LCTL: variants seen among roughly 807,000 people sequenced by gnomAD.
The protein encoded by LCTL is lactase-like protein.
In LCTL, 76 loss-of-function variants were observed where a neutral mutation model predicts 75.8. The observed-to-expected ratio is 1.00, with a 90% CI of 0.83 to 1.21. The LOEUF is 1.21. Ranked by LOEUF, LCTL falls within the 50% of genes most tolerant of loss-of-function variation. LCTL has a pLI of 0.00. For synonymous variants in LCTL, 271 were observed against 268.8 expected, an observed-to-expected ratio of 1.01 and a Z score of -0.08; for missense variants, 670 against 712.4, an observed-to-expected ratio of 0.94 and a Z score of 0.68.
At chr15:66,551,134 G>A (rs1168402385) in intron 11 of LCTL, among the ~76,000 whole-genome samples, 1 of 151,666 alleles carries the variant, frequency 6.6e-6, no homozygotes, top group Non-Finnish European at 1.5e-5. Context: ...AGATCACGAG[G>A]TCAAGAGTTA....
At chr15:66,565,096 A>T (rs76004841) in intron 1 of LCTL, 152 bp downstream of exon 2, 2 of 689,352 alleles carry the variant, frequency 2.9e-6, no homozygotes, top group East Asian at 5.3e-5. Flanking sequence ...CAAAAAAAAA[A>T]TATCTGTTAG....
At chr15:66,547,953 G>T (rs1421197496) in exon 13 of LCTL, 1 of 151,118 alleles carries the variant, frequency 6.6e-6, no homozygotes, top group African/African-American at 2.4e-5. Context: ...TGCCCAGCTA[G>T]TTTCTATATT....
rs532577086 is a variant in LCTL, at chr15:66,548,424, C to G, written c.*66G>C. ...GAAAACAGCAATGTATGGAAACCCT[C>G]AAAGCAGAAAAGGGAGGAAGATCCT... On this transcript the variant is annotated 3_prime_UTR_variant, in exon 13 of 13. Transcript: ENST00000341509. The G allele has an allele frequency of 5.0e-6, 4 of 807,134 alleles. No homozygotes were observed. In the South Asian group the frequency reaches 7.7e-5, roughly 16 times the overall value. 50.0% of individuals were successfully genotyped at this position (807,134 alleles called of 1,614,324 possible).
chr15:66,554,296 A>G (rs912034028), intron 8 of LCTL, among the ~76,000 whole-genome samples: 1 of 150,688 alleles, frequency 6.6e-6, no homozygotes, highest in Non-Finnish European at 1.5e-5. Flanking sequence ...CTCAAAAAAA[A>G]AAAAAAAAAA....
At chr15:66,561,356 A>G in intron 4 of LCTL, 41 bp from the exon 6 acceptor site, 1 of 1,612,122 alleles carries the variant, frequency 6.2e-7, no homozygotes, top group Non-Finnish European at 8.5e-7. Flanking sequence ...AATGAACCGC[A>G]AAGCGGTTTA....
At chr15:66,555,923 T>G (rs1156824176) in intron 8 of LCTL, among the ~76,000 whole-genome samples, 1 of 152,158 alleles carries the variant, frequency 6.6e-6, no homozygotes, top group Non-Finnish European at 1.5e-5. Flanking sequence ...CTCTTACTAA[T>G]CATTAGGGAA....
exon 1 of LCTL, chr15:66,565,361 T>C: frequency 6.2e-7 from 1 of 1,602,324 alleles, no homozygotes; most frequent in Non-Finnish European, 8.5e-7. Context: ...CCACACTGGC[T>C]TCATGGTGCC....
chr15:66,551,342 T>C (rs1895590100), intron 11 of LCTL, among the ~76,000 whole-genome samples: 1 of 94,100 alleles, frequency 1.1e-5, no homozygotes, highest in Non-Finnish European at 2.0e-5. Context: ...TGAGATTCTG[T>C]CTCAAAAAAA....
chr15:66,563,714 C>G (rs1481069866), intron 3 of LCTL, 89 bp from the exon 5 acceptor site: 3 of 1,042,880 alleles, frequency 2.9e-6, no homozygotes, highest in Non-Finnish European at 4.3e-6. Flanking sequence ...GGCCCTGTTG[C>G]TTTTTGAAGG....
At chr15:66,564,072 G>A in intron 2 of LCTL, 74 bp from the exon 4 acceptor site, 1 of 949,480 alleles carries the variant, frequency 1.1e-6, no homozygotes, top group East Asian at 2.4e-5. Context: ...CGGGCTCTAG[G>A]GCCGAGGCTC....
intron 12 of LCTL, chr15:66,549,080 A>G (rs1284065035): frequency 2.0e-5 from 3 of 152,796 alleles, no homozygotes; most frequent in Non-Finnish European, 2.9e-5. Context: ...TAATCTTTTT[A>G]AGAGTTAATG....
At chr15:66,560,961 G>T in intron 6 of LCTL, 45 bp downstream of exon 7, 1 of 1,580,922 alleles carries the variant, frequency 6.3e-7, no homozygotes, top group Admixed American at 1.7e-5. Context: ...GGGGCAGGCT[G>T]AGCTGACCCT....
intron 6 of LCTL, among the ~76,000 whole-genome samples, chr15:66,558,314 T>A (rs138382806): frequency 1.8e-4 from 27 of 152,320 alleles, no homozygotes; most frequent in African/African-American, 6.5e-4. Flanking sequence ...TTCCTCTTAG[T>A]CCTCAGTAGC....
At chr15:66,564,451 T>G in intron 2 of LCTL, 2 of 538,816 alleles carry the variant, frequency 3.7e-6, no homozygotes, top group Non-Finnish European at 3.3e-6. Context: ...AGGCCCCACT[T>G]TCCTTTCCTC....
chr15:66,563,533 G>A (rs763722709), exon 4 of LCTL: 1 of 1,611,848 alleles, frequency 6.2e-7, no homozygotes, highest in Non-Finnish European at 8.5e-7. Context: ...AGATCCCAGT[G>A]GTGCAAGGTC....
intron 11 of LCTL, among the ~76,000 whole-genome samples, chr15:66,551,426 A>G (rs368234800): frequency 4.6e-5 from 7 of 151,638 alleles, no homozygotes; most frequent in Admixed American, 2.0e-4. Flanking sequence ...TTGCCCTATC[A>G]TAACTTAAAG....
chr15:66,548,795 G>C, intron 12 of LCTL, 190 bp from the exon 14 acceptor site: 1 of 389,324 alleles, frequency 2.6e-6, no homozygotes, highest in Non-Finnish European at 4.6e-6. Flanking sequence ...TAAGAGCTTT[G>C]TAAATATTTC....
intron 2 of LCTL, chr15:66,564,306 G>A (rs1413934772): frequency 1.8e-5 from 9 of 496,068 alleles, no homozygotes; most frequent in South Asian, 4.9e-5. Context: ...GAGGATGAGC[G>A]GGTCCCACTC....
intron 8 of LCTL, 32 bp downstream of exon 9, chr15:66,557,690 G>C: frequency 6.2e-7 from 1 of 1,602,834 alleles, no homozygotes; most frequent in Non-Finnish European, 8.5e-7. Flanking sequence ...ACTTGCCCTA[G>C]TATCTGCAGT....
Sources: allele counts gnomAD v4.1 joint callset (sites outside exome capture counted in the v4.1 genomes callset), GRCh38; gene constraint gnomAD v4.1.1; transcripts MANE v1.5; gene names NCBI Gene and HGNC (gene_info 2026-07-23, HGNC 2026-07-21).